Variants in PRDM6 observed in about 807,000 individuals in gnomAD.
The protein encoded by PRDM6 is putative histone-lysine N-methyltransferase PRDM6.
In PRDM6, 25 loss-of-function variants were observed where a neutral mutation model predicts 60.8. The observed-to-expected ratio is 0.41, with a 90% CI of 0.30 to 0.57. PRDM6 has a LOEUF of 0.57. Ranked by LOEUF, PRDM6 falls within the 20% of genes least tolerant of loss-of-function variation. The pLI is 0.27. For synonymous variants in PRDM6, 407 were observed against 357.4 expected (o/e 1.14, Z -1.57); for missense variants, 839 against 821.3 (o/e 1.02, Z -0.26).
At position 123,159,564 on chromosome 5, in the gene PRDM6, T is replaced by C; in HGVS notation, c.1079T>C (p.Leu360Pro). 6.4e-7 allele frequency: 1 copy of C among 1,551,594 alleles called. No individual in the cohort carries two copies. Among genetic ancestry groups the C allele is most frequent in the Non-Finnish European group, 8.7e-7 (1 of 1,146,846 alleles). The stretch of plus-strand genomic sequence containing the variant: ...ATAGATATCCCTAGGGGCACCGAGC[T>C]TCTGGTGTGGTACAATGACAGCTAT... Reference protein sequence around the residue: ...ACIDIPRGTELLVWYNDSYTS... With the variant: ...ACIDIPRGTEPLVWYNDSYTS... The change falls in exon 5 of 8, where the codon CTT (leucine) becomes CCT (proline). Residue 360 changes from leucine to proline, a missense_variant. Leu to Pro is a moderately conservative substitution (Grantham distance 98). This residue lies in a region of PRDM6 where 730 missense variants were observed against 648.8 expected (regional missense o/e 1.13). Coordinates refer to ENST00000407847, the MANE Select transcript of PRDM6 (RefSeq NM_001136239.4).
chr5:123,118,673 C>T (rs372253916), intron 3 of PRDM6, among the ~76,000 whole-genome samples: 2 of 152,150 alleles, frequency 1.3e-5, no homozygotes, highest in Non-Finnish European at 1.5e-5. Context: ...ACTTTTAGGG[C>T]ACTTGAGTGT....
At chr5:123,098,854 T>C (rs1580476138) in intron 2 of PRDM6, among the ~76,000 whole-genome samples, 2 of 103,450 alleles carry the variant, frequency 1.9e-5, no homozygotes, top group African/African-American at 7.5e-5. Flanking sequence ...GTCCCCGCCC[T>C]GCTTCAGTGC....
At chr5:123,143,324 G>A (rs1317471502) in intron 3 of PRDM6, among the ~76,000 whole-genome samples, 5 of 152,018 alleles carry the variant, frequency 3.3e-5, no homozygotes, top group Non-Finnish European at 5.9e-5. Context: ...CTATAGACCC[G>A]ACGTAAGAGA....
rs372117256 is a variant in PRDM6 at position 123,193,222 on chromosome 5, A to T, written c.*6021A>T. 3 of 152,188 alleles carry T rather than the reference A, an allele frequency of 2.0e-5. No homozygotes were observed. In the East Asian group the frequency reaches 5.8e-4, roughly 29 times the overall value. The allele number at this position is 152,188 out of a possible 1,614,324, so 9.4% of individuals were successfully genotyped here. On this transcript the variant is annotated 3_prime_UTR_variant, in exon 8 of 8. Transcript: ENST00000407847. ...TATCTCCTGTTTCCTGCCTTGAAAA[A>T]CATCCTTGTTGGTGCCTTTCTCCCA...
At position 123,190,389 on chromosome 5, in the gene PRDM6, T is replaced by A. The variant is rs1256889703; in HGVS notation, c.*3188T>A. On this transcript the variant is annotated 3_prime_UTR_variant, in exon 8 of 8. Transcript: ENST00000407847. ...TCCCCAGGATATGTGCATACATTTT[T>A]CATAGATAAGCTTTTCATTTTTGTT... The A allele has an allele frequency of 6.6e-6, 1 of 152,232 alleles. No homozygotes were observed. The highest frequency in any genetic ancestry group is 2.4e-5 in the African/African-American group (1 of 41,462). 9.4% of individuals were successfully genotyped at this position (152,232 alleles called of 1,614,324 possible). A position where few individuals can be genotyped will look rare whatever the true frequency, so the allele number is the denominator to read the frequency against.
intron 6 of PRDM6, 56 bp downstream of exon 6, chr5:123,171,164 C>G (rs553263895): frequency 2.9e-6 from 4 of 1,393,418 alleles, no homozygotes; most frequent in Admixed American, 4.9e-5. Flanking sequence ...CCACTGCTTG[C>G]CTTCCCGCCA....
chr5:123,137,990 A>T (rs1161885531), intron 3 of PRDM6, among the ~76,000 whole-genome samples: 2 of 149,774 alleles, frequency 1.3e-5, no homozygotes, highest in Non-Finnish European at 3.0e-5. Context: ...ACGAATGCTG[A>T]TGCTGAAGTA....
intron 2 of PRDM6, among the ~76,000 whole-genome samples, chr5:123,095,689 C>T (rs1763941478): frequency 6.6e-6 from 1 of 152,220 alleles, no homozygotes; most frequent in African/African-American, 2.4e-5. Context: ...GGGAAGCAGG[C>T]TTTTCACCTA....
At chr5:123,125,154 C>A (rs63098564) in intron 3 of PRDM6, among the ~76,000 whole-genome samples, 8 of 134,098 alleles carry the variant, frequency 6.0e-5, no homozygotes, top group African/African-American at 1.4e-4. Flanking sequence ...CACCCCCTCC[C>A]CCCCACCCGC....
At chr5:123,177,980 A>G (rs1009286677) in intron 6 of PRDM6, among the ~76,000 whole-genome samples, 1 of 152,140 alleles carries the variant, frequency 6.6e-6, no homozygotes, top group East Asian at 1.9e-4. Flanking sequence ...CATCCCTAGC[A>G]TATGCCTCTC....
chr5:123,146,925 C>T (rs971022497), intron 3 of PRDM6, among the ~76,000 whole-genome samples: 1 of 152,130 alleles, frequency 6.6e-6, no homozygotes, highest in African/African-American at 2.4e-5. Context: ...TCTTTATAAG[C>T]CCCCAAATGG....
chr5:123,125,069 TTTTTTTTG>T (rs1312142238), intron 3 of PRDM6, among the ~76,000 whole-genome samples: 4 of 150,826 alleles, frequency 2.7e-5, no homozygotes, highest in Non-Finnish European at 4.4e-5. Context: ...ACATTTTTTT[TTTTTTTTG>T]AATCTTGTGT....
At chr5:123,127,753 TCTTTC>T (rs1764726746) in intron 3 of PRDM6, among the ~76,000 whole-genome samples, 6 of 151,298 alleles carry the variant, frequency 4.0e-5, no homozygotes, top group African/African-American at 1.5e-4. Context: ...TTCTTTCCTT[TCTTTC>T]CTTTCTTTCT....
chr5:123,166,051 A>G (rs948547906), intron 5 of PRDM6, among the ~76,000 whole-genome samples: 8 of 152,022 alleles, frequency 5.3e-5, no homozygotes, highest in Admixed American at 4.6e-4. Context: ...GACCGCCCCC[A>G]CCATCCTCTG....
intron 6 of PRDM6, among the ~76,000 whole-genome samples, chr5:123,176,361 G>C (rs993909317): frequency 6.6e-6 from 1 of 151,608 alleles, no homozygotes; most frequent in Non-Finnish European, 1.5e-5. Context: ...TTTGCTTTGA[G>C]AAGAGTGAAG....
intron 3 of PRDM6, among the ~76,000 whole-genome samples, chr5:123,125,994 G>A: frequency 6.6e-6 from 1 of 151,908 alleles, no homozygotes; most frequent in African/African-American, 2.4e-5. Context: ...GTGCTTATAT[G>A]TGTGTGTGGG....
intron 3 of PRDM6, among the ~76,000 whole-genome samples, chr5:123,101,461 C>T (rs573617378): frequency 6.6e-6 from 1 of 152,290 alleles, no homozygotes; most frequent in Non-Finnish European, 1.5e-5. Flanking sequence ...TTAATTGTAA[C>T]CTCCAATGTG....
intron 3 of PRDM6, among the ~76,000 whole-genome samples, chr5:123,120,868 G>A (rs1364690185): frequency 2.6e-5 from 4 of 152,192 alleles, no homozygotes; most frequent in Non-Finnish European, 5.9e-5. Flanking sequence ...TTAATCTTTT[G>A]GAGCCGTAGG....
rs577897832 is a variant in PRDM6, at chr5:123,190,728, T to G, written c.*3527T>G. 6 of 152,338 alleles carry G rather than the reference T, an allele frequency of 3.9e-5. No homozygotes were observed. The highest frequency in any genetic ancestry group is 1.4e-4 in the African/African-American group (6 of 41,588). The allele number at this position is 152,338 out of a possible 1,614,324, so 9.4% of individuals were successfully genotyped here. A position where few individuals can be genotyped will look rare whatever the true frequency, so the allele number is the denominator to read the frequency against. The stretch of plus-strand genomic sequence containing the variant: ...ATCAATTTTTAAATCAGATGTTCAT[T>G]GTTTCATTCATTTATTCAACAAGTA... On this transcript the variant is annotated 3_prime_UTR_variant, in exon 8 of 8. Coordinates refer to ENST00000407847, the MANE Select transcript of PRDM6 (RefSeq NM_001136239.4).
Sources: gnomAD v4.1 joint callset for allele counts (sites outside exome capture counted in the v4.1 genomes callset) on GRCh38, gnomAD v4.1.1 for gene constraint, gnomAD v4.1.1 regional missense constraint, MANE v1.5 for transcripts, NCBI Gene and HGNC (gene_info 2026-07-23, HGNC 2026-07-21) for gene names.